LMO7: variants seen among roughly 807,000 people sequenced by gnomAD.
LMO7 encodes LIM domain only protein 7.
In LMO7, 120 loss-of-function variants were observed where a neutral mutation model predicts 206.5. The observed-to-expected ratio is 0.58, with a 90% CI of 0.50 to 0.68. LMO7 has a LOEUF of 0.68. LMO7 is among the 30% of genes least tolerant of loss of function. The pLI, the probability that LMO7 is intolerant of heterozygous loss-of-function variation, is 0.00. For missense variants in LMO7, 1,959 were observed against 1,957.9 expected (o/e 1.00, Z -0.01); for synonymous variants, 706 against 681.5 (o/e 1.04, Z -0.56).
intron 28 of LMO7, among the ~76,000 whole-genome samples, chr13:75,854,133 G>T (rs556298668): frequency 6.6e-6 from 1 of 152,312 alleles, no homozygotes; most frequent in South Asian, 2.1e-4. Context: ...CATGCCTCAT[G>T]TAAGTATATG....
chr13:75,739,388 G>C (rs9593124), intron 3 of LMO7, among the ~76,000 whole-genome samples: 1 of 152,128 alleles, frequency 6.6e-6, no homozygotes, highest in Non-Finnish European at 1.5e-5. Flanking sequence ...AATGTGTAAG[G>C]CATGACCATA....
At chr13:75,783,131 A>G (rs2051805311) in intron 4 of LMO7, among the ~76,000 whole-genome samples, 1 of 152,208 alleles carries the variant, frequency 6.6e-6, no homozygotes, top group Non-Finnish European at 1.5e-5. Flanking sequence ...CACATACAGT[A>G]TATTTTATGC....
chr13:75,669,699 C>G (rs772487490), intron 1 of LMO7, among the ~76,000 whole-genome samples: 13 of 152,168 alleles, frequency 8.5e-5, no homozygotes, highest in Middle Eastern at 3.2e-3. Flanking sequence ...GTTGTAAATT[C>G]TAGAGGCTCT....
At chr13:75,621,677 T>G in exon 1 of LMO7, 1 of 1,537,076 alleles carries the variant, frequency 6.5e-7, no homozygotes, top group South Asian at 1.2e-5. Flanking sequence ...TATTTTAATT[T>G]TTTTATTACA....
chr13:75,707,205 A>T (rs1039525405), intron 1 of LMO7, among the ~76,000 whole-genome samples: 1 of 151,732 alleles, frequency 6.6e-6, no homozygotes, highest in Non-Finnish European at 1.5e-5. Flanking sequence ...ACAAAAGATA[A>T]CATTAAAAAT....
intron 3 of LMO7, among the ~76,000 whole-genome samples, chr13:75,744,866 A>G (rs600156): frequency 0.012 from 1,851 of 152,336 alleles, 44 homozygotes; most frequent in African/African-American, 0.042. Flanking sequence ...CTTGTCGACC[A>G]GAAACACAGT....
At chr13:75,833,404 T>C (rs1459683091) in intron 16 of LMO7, among the ~76,000 whole-genome samples, 1 of 152,238 alleles carries the variant, frequency 6.6e-6, no homozygotes, top group Non-Finnish European at 1.5e-5. Flanking sequence ...TTTGTGATTT[T>C]ACAGATTTTA....
intron 3 of LMO7, among the ~76,000 whole-genome samples, chr13:75,748,293 TAGG>T (rs1329299935): frequency 8.5e-5 from 13 of 152,148 alleles, no homozygotes; most frequent in African/African-American, 2.9e-4. Flanking sequence ...ATGGAAATAA[TAGG>T]AGACTAATAC....
rs1357997067 is a variant in LMO7, at chr13:75,735,039, A to G, written c.210+7941A>G. Among the ~76,000 whole-genome samples the G allele has an allele frequency of 2.0e-5, 3 of 151,462 alleles. No individual in the cohort carries two copies. The South Asian group carries it at 6.3e-4, about 32-fold the overall frequency. On this transcript the variant is annotated intron_variant, in intron 3 of 30. Coordinates refer to ENST00000377534, the MANE Select transcript of LMO7 (RefSeq NM_001306080.2). ...TGTGAACCCAGGAGGTGGAGCTTGCAGTTAGCCGAGATCACGCCACTGAAC... is the reference window on the plus strand; with the variant it reads ...TGTGAACCCAGGAGGTGGAGCTTGCGGTTAGCCGAGATCACGCCACTGAAC...
intron 4 of LMO7, among the ~76,000 whole-genome samples, chr13:75,788,214 T>C (rs572603462): frequency 3.2e-4 from 49 of 152,250 alleles, no homozygotes; most frequent in African/African-American, 1.2e-3. Flanking sequence ...TGTTTGCAGA[T>C]AGACTGGCTT....
At chr13:75,831,788 C>CCAA (rs1394261026) in intron 15 of LMO7, among the ~76,000 whole-genome samples, 4 of 152,130 alleles carry the variant, frequency 2.6e-5, no homozygotes, top group Non-Finnish European at 5.9e-5. Flanking sequence ...TCCTCATGAC[C>CCAA]CAAACACCTG....
intron 4 of LMO7, among the ~76,000 whole-genome samples, chr13:75,770,523 T>G (rs1169255225): frequency 6.6e-6 from 1 of 152,090 alleles, no homozygotes; most frequent in East Asian, 1.9e-4. Flanking sequence ...TACCTTGATC[T>G]TAAAGCCAAA....
At position 75,841,740 on chromosome 13, in the gene LMO7, C is replaced by A. The variant is rs1157069448; in HGVS notation, c.3788C>A (p.Thr1263Asn). 7 of 1,613,874 alleles carry A rather than the reference C, an allele frequency of 4.3e-6. No homozygotes were observed. Among genetic ancestry groups the A allele is most frequent in the Non-Finnish European group, 5.1e-6 (6 of 1,179,988 alleles). The change falls in exon 24 of 31, where the codon ACC becomes AAC. Residue 1263 changes from threonine to asparagine, a missense_variant. Transcript: ENST00000377534. ...EGSKSSDREG[T>N]RAGEEERRQP... ...TCCAAGTCTTCAGACAGAGAAGGAACCCGAGCAGGAGAAGAGGAGAGGAGA... is the reference window on the plus strand; with the variant it reads ...TCCAAGTCTTCAGACAGAGAAGGAAACCGAGCAGGAGAAGAGGAGAGGAGA...
intron 14 of LMO7, 142 bp downstream of exon 14, chr13:75,821,751 T>A: frequency 1.7e-6 from 1 of 594,578 alleles, no homozygotes; most frequent in South Asian, 2.4e-5. Flanking sequence ...CCAGTTTAGA[T>A]GCAATGGAAA....
rs868454498 is a variant in LMO7, at chr13:75,853,147, C to T, written c.4420C>T (p.Pro1474Ser). The change falls in exon 28 of 31, where the codon CCT becomes TCT. Residue 1474 changes from proline to serine, a missense_variant. Coordinates refer to ENST00000377534, the MANE Select transcript of LMO7 (RefSeq NM_001306080.2). ...SPRSNSWRQP[P>S]WLNQPTGFYA... Reference sequence around the variant, plus strand: ...CCGATCCAATTCTTGGAGACAGCCTCCTTGGCTCAATCAGCCCACAGGATT... The same window carrying T: ...CCGATCCAATTCTTGGAGACAGCCTTCTTGGCTCAATCAGCCCACAGGATT... The T allele has an allele frequency of 6.2e-7, 1 of 1,613,906 alleles. No homozygotes were observed.
At chr13:75,709,103 C>T (rs2042879405) in intron 1 of LMO7, among the ~76,000 whole-genome samples, 1 of 152,100 alleles carries the variant, frequency 6.6e-6, no homozygotes, top group Non-Finnish European at 1.5e-5. Context: ...CAGCTTCATC[C>T]ATGTCCCTAA....
intron 2 of LMO7, among the ~76,000 whole-genome samples, chr13:75,719,998 A>G (rs2043882954): frequency 6.6e-6 from 1 of 152,192 alleles, no homozygotes; most frequent in African/African-American, 2.4e-5. Context: ...TGTTGTCAGC[A>G]TTTGGTGTCG....
chr13:75,823,032 G>T (rs1441973771), intron 14 of LMO7, among the ~76,000 whole-genome samples: 2 of 151,714 alleles, frequency 1.3e-5, no homozygotes, highest in Non-Finnish European at 2.9e-5. Flanking sequence ...CAAGTAAAGG[G>T]ACTGGTTTAG....
At chr13:75,643,645 T>G (rs962153787) in intron 1 of LMO7, among the ~76,000 whole-genome samples, 6 of 152,234 alleles carry the variant, frequency 3.9e-5, no homozygotes, top group African/African-American at 1.4e-4. Context: ...TAATTATTGG[T>G]TGTATATCTT....
Sources: allele counts gnomAD v4.1 joint callset (sites outside exome capture counted in the v4.1 genomes callset), GRCh38; gene constraint gnomAD v4.1.1; transcripts MANE v1.5; gene names NCBI Gene and HGNC (gene_info 2026-07-23, HGNC 2026-07-21).